Variants in AKAP6 observed in about 807,000 individuals in gnomAD.
The protein encoded by AKAP6 is A-kinase anchor protein 6.
In AKAP6, 58 loss-of-function variants were observed where a neutral mutation model predicts 188.5. The observed-to-expected ratio is 0.31, with a 90% confidence interval of 0.25 to 0.38. The LOEUF is 0.38. Ranked by LOEUF, AKAP6 falls within the 10% of genes least tolerant of loss-of-function variation. The probability of loss-of-function intolerance (pLI) is 1.00; values close to 1 mark genes in which losing one functional copy is unlikely to be tolerated. For synonymous variants in AKAP6, 989 were observed against 998.6 expected (o/e 0.99, Z 0.18); for missense variants, 2,710 against 2,740.0 (o/e 0.99, Z 0.24).
At chr14:32,583,969 G>A (rs1280851823) in intron 5 of AKAP6, among the ~76,000 whole-genome samples, 1 of 152,214 alleles carries the variant, frequency 6.6e-6, no homozygotes, top group Non-Finnish European at 1.5e-5. Context: ...CTCGCGCACG[G>A]TGCGCTGCAC....
Position 32,535,808 on chromosome 14 carries a change from G to A in AKAP6, c.576+3G>A, listed in dbSNP as rs1431676808. On this transcript the variant is annotated splice_donor_region_variant and intron_variant, in intron 3 of 13. Transcript: ENST00000280979. ...CTTTCTCTGAAGAGACAAAAGAGGT[G>A]AGTGTTTTCCTTGAAGTTAAGCAAT... is the stretch of plus-strand genomic sequence containing the variant. 2 of 1,606,250 alleles carry A rather than the reference G, an allele frequency of 1.2e-6. No individual in the cohort carries two copies. The highest frequency in any genetic ancestry group is 1.1e-5 in the South Asian group (1 of 90,354).
At chr14:32,510,940 T>C (rs1298082448) in intron 2 of AKAP6, among the ~76,000 whole-genome samples, 1 of 152,102 alleles carries the variant, frequency 6.6e-6, no homozygotes, top group East Asian at 1.9e-4. Context: ...TGCACCAACC[T>C]GAAGGAAGAA....
At chr14:32,443,418 C>T (rs1339363945) in intron 2 of AKAP6, among the ~76,000 whole-genome samples, 2 of 148,340 alleles carry the variant, frequency 1.3e-5, no homozygotes, top group African/African-American at 5.0e-5. Context: ...AAAAAAAAAA[C>T]AAAAAAACAA....
At chr14:32,776,369 C>T (rs538193037) in intron 12 of AKAP6, among the ~76,000 whole-genome samples, 136 of 152,288 alleles carry the variant, frequency 8.9e-4, no homozygotes, top group African/African-American at 3.1e-3. Flanking sequence ...AAACCCCTTT[C>T]ACTTGGTTGT....
At chr14:32,767,649 T>C (rs1167402461) in intron 11 of AKAP6, among the ~76,000 whole-genome samples, 1 of 152,160 alleles carries the variant, frequency 6.6e-6, no homozygotes, top group Non-Finnish European at 1.5e-5. Flanking sequence ...TATGGCTTCT[T>C]GGCCTTTTTA....
intron 3 of AKAP6, among the ~76,000 whole-genome samples, chr14:32,537,217 G>C (rs544656835): frequency 6.6e-6 from 1 of 152,136 alleles, no homozygotes; most frequent in Non-Finnish European, 1.5e-5. Context: ...AATCAAAATC[G>C]ACTAGGCTTA....
chr14:32,611,045 A>C (rs10735738), intron 7 of AKAP6, among the ~76,000 whole-genome samples: 89,236 of 151,936 alleles, frequency 0.59, 27,107 homozygotes, highest in East Asian at 0.94. Flanking sequence ...ACAATAATGA[A>C]AGGCAGGCCG....
At chr14:32,374,873 G>C (rs1042522479) in intron 1 of AKAP6, among the ~76,000 whole-genome samples, 1 of 152,128 alleles carries the variant, frequency 6.6e-6, no homozygotes, top group Non-Finnish European at 1.5e-5. Context: ...ACTTCAGCAT[G>C]ACTATCATTA....
At chr14:32,580,566 A>G (rs962062711) in intron 5 of AKAP6, among the ~76,000 whole-genome samples, 3 of 151,952 alleles carry the variant, frequency 2.0e-5, no homozygotes, top group Non-Finnish European at 2.9e-5. Flanking sequence ...TTTTATTATT[A>G]TTATACTTTA....
Position 32,535,684 on chromosome 14 carries a change from A to G in AKAP6, c.455A>G (p.His152Arg). 1 of 1,614,218 alleles carries G rather than the reference A, an allele frequency of 6.2e-7. No homozygotes were observed. The highest frequency in any genetic ancestry group is 8.5e-7 in the Non-Finnish European group (1 of 1,180,018). The stretch of plus-strand genomic sequence containing the variant: ...ATCCACGCAGTGCAGCTCCTCTGGC[A>G]CCAGCTTCGAGTCTCAGTGCTGGTT... ...VDIHAVQLLWHQLRVSVLVLR... is the reference protein window; with the variant it reads ...VDIHAVQLLWRQLRVSVLVLR... The change falls in exon 3 of 14, where the codon CAC becomes CGC. Residue 152 changes from histidine to arginine, a missense_variant. By Grantham distance (29) the His-to-Arg change is conservative. This residue lies in a region of AKAP6 where 237 missense variants were observed against 313.9 expected (regional missense o/e 0.76). Coordinates refer to ENST00000280979, the MANE Select transcript of AKAP6 (RefSeq NM_004274.5).
chr14:32,715,342 G>T (rs1438034924), intron 9 of AKAP6, among the ~76,000 whole-genome samples: 1 of 151,980 alleles, frequency 6.6e-6, no homozygotes, highest in Non-Finnish European at 1.5e-5. Flanking sequence ...TGACTGTGAG[G>T]ATGAGACAAT....
intron 1 of AKAP6, among the ~76,000 whole-genome samples, chr14:32,354,183 G>A (rs897157365): frequency 3.3e-5 from 5 of 151,762 alleles, no homozygotes; most frequent in Non-Finnish European, 5.9e-5. Flanking sequence ...AAAGCTGGAG[G>A]CATCATGCTA....
chr14:32,748,460 G>A (rs116862780), intron 11 of AKAP6, among the ~76,000 whole-genome samples: 193 of 152,286 alleles, frequency 1.3e-3, no homozygotes, highest in Non-Finnish European at 2.1e-3. Flanking sequence ...TATTTTAGCA[G>A]TCAGCATTAG....
At chr14:32,493,507 G>A (rs931191161) in intron 2 of AKAP6, among the ~76,000 whole-genome samples, 5 of 152,052 alleles carry the variant, frequency 3.3e-5, no homozygotes, top group African/African-American at 1.2e-4. Flanking sequence ...TACCGCACCC[G>A]GCCTAAGGCA....
chr14:32,585,547 A>G (rs1885198157), intron 5 of AKAP6, among the ~76,000 whole-genome samples: 1 of 151,928 alleles, frequency 6.6e-6, no homozygotes, highest in South Asian at 2.1e-4. Context: ...GTGAGTGGTT[A>G]TTTAGGTGCT....
intron 2 of AKAP6, among the ~76,000 whole-genome samples, chr14:32,481,493 C>T (rs1373808882): frequency 6.6e-6 from 1 of 152,120 alleles, no homozygotes; most frequent in Non-Finnish European, 1.5e-5. Context: ...ACATTCATGA[C>T]AGAAGGCAAA....
At chr14:32,536,967 A>G (rs1882712296) in intron 3 of AKAP6, among the ~76,000 whole-genome samples, 1 of 152,206 alleles carries the variant, frequency 6.6e-6, no homozygotes, top group African/African-American at 2.4e-5. Context: ...TGTGGAAAAC[A>G]TATATTCTAC....
intron 11 of AKAP6, among the ~76,000 whole-genome samples, chr14:32,743,202 G>C (rs1268045008): frequency 1.3e-5 from 2 of 151,560 alleles, no homozygotes; most frequent in Admixed American, 1.3e-4. Flanking sequence ...CTCTTTTTTG[G>C]TTTCCACTGG....
intron 1 of AKAP6, among the ~76,000 whole-genome samples, chr14:32,356,778 C>T (rs1206999962): frequency 1.3e-5 from 2 of 151,930 alleles, no homozygotes; most frequent in South Asian, 2.1e-4. Flanking sequence ...TTCTGCATGT[C>T]GCTTGATTTT....
Sources: allele counts gnomAD v4.1 joint callset (sites outside exome capture counted in the v4.1 genomes callset), GRCh38; gene constraint gnomAD v4.1.1; regional missense constraint gnomAD v4.1.1; transcripts MANE v1.5; gene names NCBI Gene and HGNC (gene_info 2026-07-23, HGNC 2026-07-21).